CEACAM1: variants seen among roughly 807,000 people sequenced by gnomAD.
The protein encoded by CEACAM1 is cell adhesion molecule CEACAM1.
CEACAM1 carries 31 observed loss-of-function variants against 49.1 expected under a neutral mutation model. The ratio of observed to expected loss-of-function variants is 0.63; its 90% CI spans 0.47 to 0.85. CEACAM1 has a LOEUF of 0.85. Among genes scored for constraint, CEACAM1 ranks in the 40% least tolerant of loss-of-function variants. CEACAM1 has a pLI of 0.00. For missense variants in CEACAM1, 570 were observed against 645.3 expected, an observed-to-expected ratio of 0.88 and a Z score of 1.26; for synonymous variants, 244 against 247.8, an observed-to-expected ratio of 0.98 and a Z score of 0.14.
intron 2 of CEACAM1, 108 bp downstream of exon 2, chr19:42,526,933 T>G: frequency 6.6e-7 from 1 of 1,511,936 alleles, no homozygotes. Context: ...AACCTTAACA[T>G]GGGGTATAAT....
chr19:42,518,966 T>C lies in CEACAM1; in HGVS notation c.1228A>G (p.Ile410Val), dbSNP rs2041670414. 6.2e-7 allele frequency: 1 copy of C among 1,614,012 alleles called. No individual in the cohort carries two copies. The highest frequency in any genetic ancestry group is 1.7e-5 in the Admixed American group (1 of 60,000). Reference protein sequence around the residue: ...NPISKNQSDPIMLNVNYNALP... With the variant: ...NPISKNQSDPVMLNVNYNALP... ...CACTTACAGTTTACGTTCAGCATGA[T>C]GGGGTCGCTTTGGTTCTTACTGATT... is the stretch of plus-strand genomic sequence containing the variant. The change falls in exon 5 of 9, where the codon ATC becomes GTC. Residue 410 changes from isoleucine (I) to valine (V), a missense_variant. Ile to Val is a conservative substitution (Grantham distance 29, BLOSUM62 3). Transcript: ENST00000161559.
chr19:42,512,228 A>G (rs1360495929), intron 6 of CEACAM1, 122 bp downstream of exon 6: 2 of 1,126,868 alleles, frequency 1.8e-6, no homozygotes, highest in Non-Finnish European at 2.6e-6. Context: ...AGTGCCGAGA[A>G]GCAGGAGTTT....
At position 42,527,097 on chromosome 19, in the gene CEACAM1, T is replaced by A. The variant is rs770969753; in HGVS notation, c.368A>T (p.Gln123Leu). ...ATTCACAAGATCTGACTTTATGACT[T>A]GTAGGGTGTAGAATCCTGTGTCATT... ...TQNDTGFYTLQVIKSDLVNEE... is the reference protein window; with the variant it reads ...TQNDTGFYTLLVIKSDLVNEE... The change falls in exon 2 of 9, where the codon CAA becomes CTA. Residue 123 changes from glutamine to leucine, a missense_variant. Coordinates refer to ENST00000161559, the MANE Select transcript of CEACAM1 (RefSeq NM_001712.5). 8.1e-6 allele frequency: 13 copies of A among 1,613,584 alleles called. No homozygotes were observed. The highest frequency in any genetic ancestry group is 1.0e-5 in the Non-Finnish European group (12 of 1,179,768).
rs770356944 is a variant in CEACAM1, at chr19:42,522,019, A to T, written c.608T>A (p.Leu203His). The T allele has an allele frequency of 3.1e-6, 5 of 1,614,176 alleles. No homozygotes were observed. In the South Asian group the frequency reaches 4.4e-5, roughly 14 times the overall value. ...LSNGNRTLTLLSVTRNDTGPY... is the reference protein window; with the variant it reads ...LSNGNRTLTLHSVTRNDTGPY... ...TCCTGTGTCATTCCTTGTGACACTG[A>T]GTAGAGTGAGGGTCCTGTTGCCATT... Residue 203 changes from leucine (L) to histidine (H), a missense_variant, in exon 3 of 9, where the codon CTC (leucine) becomes CAC (histidine). Physicochemically the swap from Leu to His is moderately conservative, Grantham distance 99. Transcript: ENST00000161559.
rs1239866883 is a variant in CEACAM1, at chr19:42,528,470, ACT to A, written c.-98_-97del. On this transcript the variant is annotated 5_prime_UTR_variant, in exon 1 of 9. Transcript: ENST00000161559. ...TGCTCTGTCACCTCTGCTGTTTTCCACTCTCTGTGCTGAGCCTCCTCCCTGGG... is the reference window on the plus strand; with the variant it reads ...TGCTCTGTCACCTCTGCTGTTTTCCACTCTGTGCTGAGCCTCCTCCCTGGG... The A allele has an allele frequency of 4.1e-6, 5 of 1,228,622 alleles. No homozygotes were observed. The highest frequency in any genetic ancestry group is 5.9e-6 in the Non-Finnish European group (5 of 844,406). 76.1% of individuals were successfully genotyped at this position (1,228,622 alleles called of 1,614,324 possible). A position where few individuals can be genotyped will look rare whatever the true frequency, so the allele number is the denominator to read the frequency against.
chr19:42,511,081 C>T, intron 7 of CEACAM1, 161 bp from the exon 8 acceptor site: 2 of 669,310 alleles, frequency 3.0e-6, no homozygotes, highest in East Asian at 2.7e-5. Flanking sequence ...ATGTTAGTAC[C>T]AGAGAGGGGG....
At position 42,510,877 on chromosome 19, in the gene CEACAM1, G is replaced by T; in HGVS notation, c.1461+12C>A. ...ATGAGAAAATAAGCCCATGAAAACC[G>T]GCTATGCTTACCTTGTTAGGTGGGT... On this transcript the variant is annotated intron_variant, in intron 8 of 8. Transcript: ENST00000161559. 6.2e-7 allele frequency: 1 copy of T among 1,610,364 alleles called. No homozygotes were observed. Among genetic ancestry groups the T allele is most frequent in the Non-Finnish European group, 8.5e-7 (1 of 1,176,618 alleles).
At chr19:42,526,395 C>A (rs1215669025) in intron 2 of CEACAM1, among the ~76,000 whole-genome samples, 1 of 152,206 alleles carries the variant, frequency 6.6e-6, no homozygotes, top group Non-Finnish European at 1.5e-5. Context: ...CCTAAGCCCC[C>A]AGGGCAGTTG....
intron 1 of CEACAM1, 60 bp downstream of exon 1, chr19:42,528,251 G>T: frequency 1.4e-6 from 2 of 1,477,122 alleles, no homozygotes; most frequent in Non-Finnish European, 9.4e-7. Context: ...CTCCCCAGAG[G>T]ACCCTAGCCA....
At chr19:42,512,550 C>G in intron 5 of CEACAM1, 71 bp from the exon 6 acceptor site, 6 of 1,438,364 alleles carry the variant, frequency 4.2e-6, no homozygotes, top group Non-Finnish European at 5.8e-6. Flanking sequence ...GGAAACAACT[C>G]TCAGAATGAA....
In CEACAM1 at chr19:42,519,185, CTG is replaced by C. The variant is rs1242551392; in HGVS notation, c.1007_1008del (p.Thr336SerfsTer5). ...TTCACAGAGTCCTTATCTCCTGTGACTGTGGTCTTGCTGGCTTTGATTTGGGG... is the reference window on the plus strand; with the variant it reads ...TTCACAGAGTCCTTATCTCCTGTGACTGGTCTTGCTGGCTTTGATTTGGGG... ...AKPQIKASKT[T>X]VTGDKDSVNL... On this transcript the variant is annotated frameshift_variant, in exon 5 of 9. Coordinates refer to ENST00000161559, the MANE Select transcript of CEACAM1 (RefSeq NM_001712.5). LOFTEE classifies it high-confidence loss of function. 6.2e-7 allele frequency: 1 copy of C among 1,614,184 alleles called. No individual in the cohort carries two copies. Among genetic ancestry groups the C allele is most frequent in the South Asian group, 1.1e-5 (1 of 91,086 alleles).
chr19:42,510,926 G>A lies in CEACAM1; in HGVS notation c.1430-6C>T. The A allele has an allele frequency of 6.2e-7, 1 of 1,613,970 alleles. No individual in the cohort carries two copies. Among genetic ancestry groups the A allele is most frequent in the South Asian group, 1.1e-5 (1 of 91,088 alleles). ...GTCATTGGAGTGGTCCTGAGCTGGA[G>A]AAGCAAAAGAAGAGTTAGCGATCCA... On this transcript the variant is annotated splice_region_variant and splice_polypyrimidine_tract_variant and intron_variant, in intron 7 of 8. Transcript: ENST00000161559.
At position 42,522,017 on chromosome 19, in the gene CEACAM1, T is replaced by G. The variant is rs748694608; in HGVS notation, c.610A>C (p.Ser204Arg). The G allele has an allele frequency of 1.2e-6, 2 of 1,614,090 alleles. No homozygotes were observed. Among genetic ancestry groups the G allele is most frequent in the African/African-American group, 1.3e-5 (1 of 74,920 alleles). Reference sequence around the variant, plus strand: ...GGTCCTGTGTCATTCCTTGTGACACTGAGTAGAGTGAGGGTCCTGTTGCCA... The same window carrying G: ...GGTCCTGTGTCATTCCTTGTGACACGGAGTAGAGTGAGGGTCCTGTTGCCA... ...SNGNRTLTLL[S>R]VTRNDTGPYE... Residue 204 changes from serine to arginine, a missense_variant, in exon 3 of 9, where the codon AGT becomes CGT. By Grantham distance (110) the Ser-to-Arg change is moderately radical. Transcript: ENST00000161559.
chr19:42,527,043 T>A lies in CEACAM1; in HGVS notation c.422A>T (p.Tyr141Phe). The A allele has an allele frequency of 8.8e-6, 14 of 1,595,374 alleles. No homozygotes were observed. The highest frequency in any genetic ancestry group is 1.2e-5 in the Non-Finnish European group (14 of 1,170,698). ...NEEATGQFHV[Y>F]PELPKPSISS... ...AGAGGTCATGGGGAAATACTCACGG[T>A]ATACATGGAACTGTCCAGTTGCTTC... Residue 141 changes from tyrosine to phenylalanine, a missense_variant and splice_region_variant, in exon 2 of 9, where the codon TAC becomes TTC. Physicochemically the swap from Tyr to Phe is conservative, Grantham distance 22. Transcript: ENST00000161559.
chr19:42,526,728 C>A (rs1356887692), intron 2 of CEACAM1, among the ~76,000 whole-genome samples: 1 of 152,158 alleles, frequency 6.6e-6, no homozygotes, highest in Non-Finnish European at 1.5e-5. Context: ...CTGACTGAGT[C>A]CTACTGGGTC....
intron 4 of CEACAM1, chr19:42,519,543 C>A: frequency 7.7e-6 from 2 of 260,850 alleles, no homozygotes; most frequent in Non-Finnish European, 1.5e-5. Context: ...GCAACCTCAT[C>A]ATCAGGTAGA....
chr19:42,519,745 AT>A (rs1464677785), intron 4 of CEACAM1, among the ~76,000 whole-genome samples: 2 of 151,562 alleles, frequency 1.3e-5, no homozygotes, highest in African/African-American at 4.8e-5. Flanking sequence ...AATTTTTTGT[AT>A]TTTTAGTAGA....
chr19:42,513,045 G>A (rs2041501475), intron 5 of CEACAM1, among the ~76,000 whole-genome samples: 2 of 152,166 alleles, frequency 1.3e-5, no homozygotes, highest in Admixed American at 1.3e-4. Flanking sequence ...CATTTTTAAG[G>A]CTTTGAAATA....
chr19:42,512,309 C>G (rs369707576), intron 6 of CEACAM1, 41 bp downstream of exon 6: 1 of 1,609,658 alleles, frequency 6.2e-7, no homozygotes, highest in South Asian at 1.1e-5. Flanking sequence ...GCATGGCAGT[C>G]AGCCTTGGAG....
Sources: allele counts gnomAD v4.1 joint callset (sites outside exome capture counted in the v4.1 genomes callset), GRCh38; gene constraint gnomAD v4.1.1; transcripts MANE v1.5; gene names NCBI Gene and HGNC (gene_info 2026-07-23, HGNC 2026-07-21).